The following ATAD2B variants were observed in gnomAD, a reference collection of about 807,000 sequenced individuals.
The protein encoded by ATAD2B is ATPase family AAA domain containing 2B, also known as ATPase family AAA domain-containing protein 2B.
Under a neutral mutation model 167.6 loss-of-function variants are expected in ATAD2B, and 40 were observed. That is an observed-to-expected ratio of 0.24 (90% CI 0.19 to 0.31). The LOEUF (loss-of-function observed/expected upper bound fraction) is 0.31, where lower values mean the gene tolerates loss of function less well. Among genes scored for constraint, ATAD2B ranks in the 10% least tolerant of loss-of-function variants. The probability of loss-of-function intolerance (pLI) is 1.00; values close to 1 mark genes in which losing one functional copy is unlikely to be tolerated. For missense variants in ATAD2B, 1,242 were observed against 1,757.2 expected (o/e 0.71, Z 5.24); for synonymous variants, 579 against 596.5 (o/e 0.97, Z 0.43).
At chr2:23,914,220 T>C (rs1200762020) in intron 1 of ATAD2B, among the ~76,000 whole-genome samples, 2 of 152,008 alleles carry the variant, frequency 1.3e-5, no homozygotes, top group Admixed American at 1.3e-4. Flanking sequence ...AAAGGACAGG[T>C]TGTCTATCAG....
intron 19 of ATAD2B, among the ~76,000 whole-genome samples, chr2:23,791,053 A>AAATGT (rs1681612395): frequency 1.3e-5 from 2 of 152,184 alleles, no homozygotes; most frequent in African/African-American, 4.8e-5. Context: ...GTATCATACA[A>AAATGT]CTGACAGTCT....
chr2:23,703,953 C>G, the ATAD2B span: 9 of 1,377,162 alleles, frequency 6.5e-6, no homozygotes, highest in South Asian at 1.3e-4. Context: ...CATCAGTGAC[C>G]ATAGCAATTC....
At chr2:23,696,051 G>C in the ATAD2B span, 1 of 1,551,800 alleles carries the variant, frequency 6.4e-7, no homozygotes, top group Non-Finnish European at 8.7e-7. This position sits in a 1 kb window ranked among gnomAD's most constrained non-coding sequence, Gnocchi z 5.5. Flanking sequence ...AGAACAACAA[G>C]TGGTACCCCT....
At chr2:23,720,201 C>G in the ATAD2B span, among the ~76,000 whole-genome samples, 1 of 152,148 alleles carries the variant, frequency 6.6e-6, no homozygotes, top group Non-Finnish European at 1.5e-5. Flanking sequence ...AAATAAACAG[C>G]TAAGAATTGA....
In ATAD2B at chr2:23,786,152, T is replaced by A. The variant is rs183339207; in HGVS notation, c.2848A>T (p.Ser950Cys). 6.2e-7 allele frequency: 1 copy of A among 1,601,928 alleles called. No individual in the cohort carries two copies. Among genetic ancestry groups the A allele is most frequent in the Non-Finnish European group, 8.5e-7 (1 of 1,173,918 alleles). The change falls in exon 21 of 28, where the codon AGT (serine) becomes TGT (cysteine). Residue 950 changes from serine (S) to cysteine (C), a missense_variant. Physicochemically the swap from Ser to Cys is moderately radical, Grantham distance 112. Around this residue, in one of 9 missense-constraint regions of ATAD2B, gnomAD observed 204 missense variants for 324.0 expected, o/e 0.63. Coordinates refer to ENST00000238789, the MANE Select transcript of ATAD2B (RefSeq NM_017552.4). ...TTTTCCTCCTGGTCCTCCATTCGAC[T>A]TTTTTCTGATTCTGATAATTGACGA... Reference protein sequence around the residue: ...PPRQLSESEKSRMEDQEENTL... With the variant: ...PPRQLSESEKCRMEDQEENTL...
the ATAD2B span, among the ~76,000 whole-genome samples, chr2:23,724,713 G>A: frequency 6.6e-6 from 1 of 152,064 alleles, no homozygotes; most frequent in Non-Finnish European, 1.5e-5. Flanking sequence ...TCATAATCAA[G>A]TGGCCAAATA....
intron 12 of ATAD2B, among the ~76,000 whole-genome samples, chr2:23,859,899 G>A (rs922249369): frequency 1.3e-5 from 2 of 151,728 alleles, no homozygotes; most frequent in African/African-American, 2.4e-5. Flanking sequence ...GCTGTGAGCC[G>A]AGATTGTGCC....
At chr2:23,875,789 T>G (rs755311709) in intron 8 of ATAD2B, 40 bp downstream of exon 8, 8 of 1,358,430 alleles carry the variant, frequency 5.9e-6, no homozygotes, top group Non-Finnish European at 8.3e-6. Flanking sequence ...TAGTCTCTCA[T>G]TGACAAATGC....
intron 14 of ATAD2B, among the ~76,000 whole-genome samples, chr2:23,830,958 A>T (rs2149718975): frequency 6.6e-6 from 1 of 152,292 alleles, no homozygotes; most frequent in Non-Finnish European, 1.5e-5. Flanking sequence ...TAATTATCTA[A>T]GGTTAGCAAG....
the ATAD2B span, among the ~76,000 whole-genome samples, chr2:23,683,611 G>C: frequency 1.7e-4 from 26 of 152,226 alleles, no homozygotes; most frequent in Non-Finnish European, 7.3e-5. Flanking sequence ...CCAGGTCCAA[G>C]ACACCGGGCA....
chr2:23,915,636 G>A (rs899218212), intron 1 of ATAD2B, among the ~76,000 whole-genome samples: 3 of 120,120 alleles, frequency 2.5e-5, no homozygotes, highest in South Asian at 2.8e-4. Flanking sequence ...TCTGTCGCCA[G>A]GCTAGAGTAC....
At chr2:23,688,277 A>T in the ATAD2B span, among the ~76,000 whole-genome samples, 1 of 152,222 alleles carries the variant, frequency 6.6e-6, no homozygotes, top group African/African-American at 2.4e-5. Context: ...CCAGGCGTTC[A>T]TTCATGGGCG....
the ATAD2B span, among the ~76,000 whole-genome samples, chr2:23,734,682 T>C: frequency 6.6e-6 from 1 of 152,108 alleles, no homozygotes; most frequent in Non-Finnish European, 1.5e-5. Context: ...TTCACTATCA[T>C]GAGAACAGCA....
chr2:23,914,567 C>T (rs546426295), intron 1 of ATAD2B, among the ~76,000 whole-genome samples: 6 of 152,150 alleles, frequency 3.9e-5, no homozygotes, highest in Admixed American at 6.5e-5. Flanking sequence ...CGGCCCGGCG[C>T]GGTGGCTCAC....
the ATAD2B span, among the ~76,000 whole-genome samples, chr2:23,724,403 A>C: frequency 6.6e-6 from 1 of 152,162 alleles, no homozygotes; most frequent in East Asian, 1.9e-4. Flanking sequence ...TTGTCAATTA[A>C]AAAATAATAA....
At chr2:23,916,392 C>T (rs1466218456) in intron 1 of ATAD2B, among the ~76,000 whole-genome samples, 1 of 152,154 alleles carries the variant, frequency 6.6e-6, no homozygotes, top group Non-Finnish European at 1.5e-5. Flanking sequence ...AAAAACAAAA[C>T]ACAATGGTTG....
At chr2:23,737,795 CT>C in the ATAD2B span, among the ~76,000 whole-genome samples, 1 of 151,942 alleles carries the variant, frequency 6.6e-6, no homozygotes, top group Admixed American at 6.6e-5. Context: ...AGTTAAAAGG[CT>C]TTGAAAAAAA....
chr2:23,863,627 TC>T (rs912764870), intron 11 of ATAD2B, 72 bp from the exon 12 acceptor site: 41 of 1,298,152 alleles, frequency 3.2e-5, no homozygotes, highest in South Asian at 2.2e-4. Flanking sequence ...TTAAAAAATG[TC>T]CCCCCCTTCC....
chr2:23,891,386 A>C (rs1459837616), intron 2 of ATAD2B, among the ~76,000 whole-genome samples: 1 of 152,102 alleles, frequency 6.6e-6, no homozygotes, highest in African/African-American at 2.4e-5. Context: ...GTATTATATG[A>C]ATGTTCTCAA....
Sources: allele counts gnomAD v4.1 joint callset (sites outside exome capture counted in the v4.1 genomes callset), GRCh38; gene constraint gnomAD v4.1.1; regional missense constraint gnomAD v4.1.1; non-coding constraint Gnocchi (gnomAD v3.1); transcripts MANE v1.5; gene names NCBI Gene and HGNC (gene_info 2026-07-23, HGNC 2026-07-21).